The following DPYD variants were observed in gnomAD, a reference collection of about 807,000 sequenced individuals.
DPYD encodes the protein dihydropyrimidine dehydrogenase.
Under a neutral mutation model 116.2 loss-of-function variants are expected in DPYD, and 109 were observed. That is an observed-to-expected ratio of 0.94 (90% CI 0.80 to 1.10). DPYD has a LOEUF of 1.10. DPYD is among the 50% of genes least tolerant of loss of function. The probability of loss-of-function intolerance (pLI) is 0.00; values close to 1 mark genes in which losing one functional copy is unlikely to be tolerated. For synonymous variants in DPYD, 440 were observed against 432.0 expected, an observed-to-expected ratio of 1.02 and a Z score of -0.23; for missense variants, 1,302 against 1,254.5, an observed-to-expected ratio of 1.04 and a Z score of -0.57.
chr1:97,082,545 T>C, intron 21 of DPYD, 75 bp from the exon 22 acceptor site: 1 of 1,545,682 alleles, frequency 6.5e-7, no homozygotes, highest in Non-Finnish European at 8.9e-7. Flanking sequence ...TCACTCAGCA[T>C]TTTCCTGTTT....
chr1:97,764,790 C>T (rs989589862), intron 3 of DPYD, among the ~76,000 whole-genome samples: 13 of 152,116 alleles, frequency 8.5e-5, no homozygotes, highest in African/African-American at 3.1e-4. Flanking sequence ...GTACTTCTCC[C>T]TGTAGACTGA....
chr1:97,294,848 T>C (rs550506275), intron 18 of DPYD, among the ~76,000 whole-genome samples: 5 of 152,308 alleles, frequency 3.3e-5, no homozygotes, highest in Admixed American at 3.3e-4. Context: ...TCTGACTCAA[T>C]TTTCCAAGAT....
intron 13 of DPYD, among the ~76,000 whole-genome samples, chr1:97,510,225 G>C (rs996210532): frequency 6.6e-6 from 1 of 151,896 alleles, no homozygotes; most frequent in African/African-American, 2.4e-5. Context: ...TCCTTACCAA[G>C]GAGCATAAAT....
At chr1:97,715,587 G>T (rs1662569801) in intron 5 of DPYD, among the ~76,000 whole-genome samples, 4 of 151,878 alleles carry the variant, frequency 2.6e-5, no homozygotes, top group South Asian at 4.2e-4. Flanking sequence ...GTTTGCCTGG[G>T]GTGGTGTTAG....
intron 8 of DPYD, among the ~76,000 whole-genome samples, chr1:97,620,037 G>GAA (rs560475446): frequency 1.2e-4 from 16 of 130,104 alleles, no homozygotes; most frequent in South Asian, 2.4e-4. Flanking sequence ...CAGTATAAGT[G>GAA]AAAAAAAAAA....
chr1:97,592,166 A>T (rs1338410707), intron 10 of DPYD, among the ~76,000 whole-genome samples: 3 of 152,236 alleles, frequency 2.0e-5, no homozygotes, highest in African/African-American at 7.2e-5. Flanking sequence ...CAAGTTCATA[A>T]TACTGATTTG....
intron 18 of DPYD, among the ~76,000 whole-genome samples, chr1:97,290,212 C>T (rs1570439670): frequency 6.6e-6 from 1 of 152,134 alleles, no homozygotes; most frequent in East Asian, 1.9e-4. Flanking sequence ...AAGAACATTC[C>T]ATGCTCATGG....
At chr1:97,620,014 C>T (rs17369442) in intron 8 of DPYD, among the ~76,000 whole-genome samples, 1 of 149,870 alleles carries the variant, frequency 6.7e-6, no homozygotes, top group Non-Finnish European at 1.5e-5. Context: ...TTTTAAAGTT[C>T]GGCAAAATCT....
intron 6 of DPYD, among the ~76,000 whole-genome samples, chr1:97,698,839 A>G (rs1661441426): frequency 6.6e-6 from 1 of 151,934 alleles, no homozygotes; most frequent in Non-Finnish European, 1.5e-5. Context: ...GAATAATATG[A>G]TCATGTGATT....
chr1:97,883,192 T>C (rs1420909265), intron 2 of DPYD, 72 bp downstream of exon 2: 2 of 929,054 alleles, frequency 2.2e-6, no homozygotes, highest in Non-Finnish European at 3.6e-6. Context: ...TCTAAGTGTA[T>C]GTAAAATCTT....
At chr1:97,676,179 G>A (rs1274877674) in intron 8 of DPYD, among the ~76,000 whole-genome samples, 1 of 152,108 alleles carries the variant, frequency 6.6e-6, no homozygotes, top group Non-Finnish European at 1.5e-5. Context: ...ACCTGTAACA[G>A]AGACTTTCAT....
chr1:97,441,861 C>T (rs918156839), intron 14 of DPYD, among the ~76,000 whole-genome samples: 1 of 152,138 alleles, frequency 6.6e-6, no homozygotes, highest in African/African-American at 2.4e-5. Context: ...CCTTTCAGAT[C>T]TCACCTTTAA....
intron 18 of DPYD, among the ~76,000 whole-genome samples, chr1:97,276,593 C>T (rs1664940836): frequency 6.7e-6 from 1 of 149,474 alleles, no homozygotes. Flanking sequence ...AAATGAAAAT[C>T]AAAACCACAA....
At chr1:97,399,858 T>C (rs562991505) in intron 14 of DPYD, among the ~76,000 whole-genome samples, 135 of 152,326 alleles carry the variant, frequency 8.9e-4, no homozygotes, top group African/African-American at 3.2e-3. Context: ...GCTGAGATGA[T>C]GGCATTTTCT....
intron 10 of DPYD, among the ~76,000 whole-genome samples, chr1:97,584,727 T>C (rs1010557701): frequency 3.5e-5 from 5 of 143,010 alleles, no homozygotes; most frequent in African/African-American, 7.8e-5. Context: ...CATGTTCTCA[T>C]TCATAGGTGG....
At chr1:97,121,797 G>A (rs1292396181) in intron 20 of DPYD, among the ~76,000 whole-genome samples, 2 of 152,080 alleles carry the variant, frequency 1.3e-5, no homozygotes, top group African/African-American at 2.4e-5. Flanking sequence ...AACCTAGTTG[G>A]TTTGGGCTCG....
chr1:97,818,638 C>T (rs559510477), intron 3 of DPYD, among the ~76,000 whole-genome samples: 2 of 152,056 alleles, frequency 1.3e-5, no homozygotes, highest in South Asian at 4.2e-4. Context: ...TATATTTGGG[C>T]CATTTGAGCA....
intron 12 of DPYD, among the ~76,000 whole-genome samples, chr1:97,547,385 T>C (rs991809210): frequency 1.3e-5 from 2 of 152,082 alleles, no homozygotes; most frequent in Non-Finnish European, 2.9e-5. Flanking sequence ...TCTGAGGCAA[T>C]AAACACTTGG....
chr1:97,472,752 C>T lies in DPYD; in HGVS notation c.1741-22529G>A, dbSNP rs1312099391. 2.0e-5 allele frequency among the ~76,000 whole-genome samples: 3 copies of T among 152,146 alleles called. No individual in the cohort carries two copies. In the East Asian group the frequency reaches 5.8e-4, roughly 29 times the overall value. The stretch of plus-strand genomic sequence containing the variant: ...TAACCTTTTCTCAAATTATATTAAC[C>T]TAAATAGCCATAATGAGAGAAAAAT... On this transcript the variant is annotated intron_variant, in intron 13 of 22. Coordinates refer to ENST00000370192, the MANE Select transcript of DPYD (RefSeq NM_000110.4).
Sources: gnomAD v4.1 joint callset for allele counts (sites outside exome capture counted in the v4.1 genomes callset) on GRCh38, gnomAD v4.1.1 for gene constraint, MANE v1.5 for transcripts, NCBI Gene and HGNC (gene_info 2026-07-23, HGNC 2026-07-21) for gene names.